Variants in PRKAR2A observed in about 807,000 individuals in gnomAD.
PRKAR2A encodes protein kinase cAMP-dependent type II regulatory subunit alpha.
PRKAR2A carries 29 observed loss-of-function variants against 51.9 expected under a neutral mutation model. The ratio of observed to expected loss-of-function variants is 0.56; its 90% CI spans 0.42 to 0.76. PRKAR2A has a LOEUF of 0.76. Ranked by LOEUF, PRKAR2A falls within the 30% of genes least tolerant of loss-of-function variation. PRKAR2A has a pLI of 0.00. For missense variants in PRKAR2A, 445 were observed against 512.1 expected (o/e 0.87, Z 1.26); for synonymous variants, 178 against 186.2 (o/e 0.96, Z 0.36).
intron 9 of PRKAR2A, among the ~76,000 whole-genome samples, chr3:48,755,700 T>G (rs1052171580): frequency 1.3e-4 from 19 of 150,936 alleles, no homozygotes; most frequent in Admixed American, 1.2e-3. Context: ...CTCAATCTCT[T>G]GGGCTCAAGA....
At chr3:48,843,168 T>C (rs1225314669) in intron 1 of PRKAR2A, among the ~76,000 whole-genome samples, 1 of 152,230 alleles carries the variant, frequency 6.6e-6, no homozygotes, top group Admixed American at 6.5e-5. Context: ...AATTTATCCA[T>C]TTCTTCTAGA....
chr3:48,798,762 G>A lies in PRKAR2A; in HGVS notation c.299-4713C>T, dbSNP rs1164548797. On this transcript the variant is annotated intron_variant, in intron 2 of 10. Transcript: ENST00000265563. ...TGCAACCTAAGCCTCCCGGGTTCAG[G>A]TGATTCTCGTGCCTCAGCCTCCTGA... Among the ~76,000 whole-genome samples the A allele has an allele frequency of 3.3e-5, 5 of 151,660 alleles. 1 individual carries two copies. Among genetic ancestry groups the A allele is most frequent in the African/African-American group, 1.2e-4 (5 of 41,220 alleles).
At chr3:48,843,553 G>A (rs1217676349) in intron 1 of PRKAR2A, among the ~76,000 whole-genome samples, 1 of 152,128 alleles carries the variant, frequency 6.6e-6, no homozygotes, top group Non-Finnish European at 1.5e-5. Context: ...AAAGAACAAA[G>A]CTGGAGGCAT....
At chr3:48,754,330 C>T (rs377705118) in intron 9 of PRKAR2A, among the ~76,000 whole-genome samples, 6 of 148,832 alleles carry the variant, frequency 4.0e-5, no homozygotes, top group East Asian at 2.0e-4. Context: ...CTCCGCCTCC[C>T]GGGTTCAAGC....
At chr3:48,840,567 C>CTTTTTTTTTTTTTTTTTTTCTTT in intron 1 of PRKAR2A, among the ~76,000 whole-genome samples, 1 of 69,468 alleles carries the variant, frequency 1.4e-5, no homozygotes, top group Non-Finnish European at 2.7e-5. Context: ...TTGTTTTCAC[C>CTTTTTTTTTTTTTTTTTTTCTTT]TTTTTTTTTT....
rs2082052786 is a variant in PRKAR2A at position 48,773,120 on chromosome 3, A to G, written c.543-12T>C. ...TGTCATAAGTTCCCCTAGAAGAATG[A>G]CAAAGAATAATTTAATTAGTTACTT... On this transcript the variant is annotated splice_polypyrimidine_tract_variant and intron_variant, in intron 5 of 10. Coordinates refer to ENST00000265563, the MANE Select transcript of PRKAR2A (RefSeq NM_004157.4). The G allele has an allele frequency of 8.2e-6, 13 of 1,589,284 alleles. No homozygotes were observed. The highest frequency in any genetic ancestry group is 1.0e-5 in the Non-Finnish European group (12 of 1,161,074).
chr3:48,815,126 T>A (rs1231528884), intron 1 of PRKAR2A, among the ~76,000 whole-genome samples: 1 of 151,826 alleles, frequency 6.6e-6, no homozygotes, highest in Non-Finnish European at 1.5e-5. Context: ...GTCAGCCAGG[T>A]TGGTCTTGAA....
At chr3:48,787,358 G>A (rs2082311914) in intron 4 of PRKAR2A, among the ~76,000 whole-genome samples, 1 of 151,918 alleles carries the variant, frequency 6.6e-6, no homozygotes, top group Non-Finnish European at 1.5e-5. Flanking sequence ...GCTAATTTTT[G>A]TATTTTTAGT....
intron 1 of PRKAR2A, among the ~76,000 whole-genome samples, chr3:48,808,048 C>CTTTT (rs1181440560): frequency 5.9e-4 from 72 of 122,662 alleles, no homozygotes; most frequent in Middle Eastern, 5.0e-3. Context: ...TTCTTTCTTT[C>CTTTT]TTTTTTTTTT....
chr3:48,793,920 G>A (rs1173004512), intron 3 of PRKAR2A, 77 bp downstream of exon 3: 1 of 1,074,586 alleles, frequency 9.3e-7, no homozygotes, highest in African/African-American at 1.6e-5. Context: ...TTAGCATGAT[G>A]AGTTTTTGGT....
intron 1 of PRKAR2A, among the ~76,000 whole-genome samples, chr3:48,813,118 A>G (rs150082131): frequency 6.6e-6 from 1 of 151,972 alleles, no homozygotes; most frequent in African/African-American, 2.4e-5. Flanking sequence ...TTCCTTGGGT[A>G]TAATGAAGTT....
chr3:48,776,195 A>G (rs1018341647), intron 5 of PRKAR2A, among the ~76,000 whole-genome samples: 1 of 152,132 alleles, frequency 6.6e-6, no homozygotes, highest in Admixed American at 6.6e-5. Context: ...CAGAACTGAC[A>G]AGCATTTGCA....
At chr3:48,824,586 AAAGAAAG>A (rs1276403665) in intron 1 of PRKAR2A, among the ~76,000 whole-genome samples, 7 of 147,884 alleles carry the variant, frequency 4.7e-5, no homozygotes, top group Admixed American at 2.7e-4. Context: ...AGAAAGAAAG[AAAGAAAG>A]AAAGAAAGAA....
chr3:48,806,917 C>T (rs370461685), intron 2 of PRKAR2A, among the ~76,000 whole-genome samples: 7 of 151,976 alleles, frequency 4.6e-5, no homozygotes, highest in African/African-American at 7.2e-5. Context: ...ACTACAGGGG[C>T]GCGCTACTGT....
At chr3:48,845,689 G>A (rs2083450310) in intron 1 of PRKAR2A, among the ~76,000 whole-genome samples, 1 of 152,224 alleles carries the variant, frequency 6.6e-6, no homozygotes, top group African/African-American at 2.4e-5. Flanking sequence ...GCTCATGCCT[G>A]TAATCCTAGC....
At chr3:48,779,834 A>G (rs2082166219) in intron 5 of PRKAR2A, among the ~76,000 whole-genome samples, 1 of 149,536 alleles carries the variant, frequency 6.7e-6, no homozygotes, top group African/African-American at 2.4e-5. Context: ...TAAATAAAAT[A>G]TATAGTTTTG....
At chr3:48,824,217 G>A (rs1353358209) in intron 1 of PRKAR2A, among the ~76,000 whole-genome samples, 1 of 152,106 alleles carries the variant, frequency 6.6e-6, no homozygotes, top group Non-Finnish European at 1.5e-5. Context: ...CTCCAGCCTG[G>A]ACGACAAGAG....
intron 1 of PRKAR2A, among the ~76,000 whole-genome samples, chr3:48,840,258 G>T (rs1358425004): frequency 6.6e-6 from 1 of 152,132 alleles, no homozygotes; most frequent in Non-Finnish European, 1.5e-5. Flanking sequence ...GGGAAGTCGA[G>T]GCGGGACGGG....
intron 2 of PRKAR2A, among the ~76,000 whole-genome samples, chr3:48,794,712 G>A (rs1382535993): frequency 2.6e-5 from 4 of 151,822 alleles, no homozygotes; most frequent in Admixed American, 2.6e-4. Context: ...ATGAAAAGAG[G>A]GTAAGTTGTG....
Sources: allele counts gnomAD v4.1 joint callset (sites outside exome capture counted in the v4.1 genomes callset), GRCh38; gene constraint gnomAD v4.1.1; transcripts MANE v1.5; gene names NCBI Gene and HGNC (gene_info 2026-07-23, HGNC 2026-07-21).